Variants in CDK8 observed in about 807,000 individuals in gnomAD.
CDK8 encodes the protein cyclin-dependent kinase 8.
CDK8 carries 29 observed loss-of-function variants against 71.5 expected under a neutral mutation model. The ratio of observed to expected loss-of-function variants is 0.41; its 90% CI spans 0.30 to 0.55. The LOEUF (loss-of-function observed/expected upper bound fraction) is 0.55, where lower values mean the gene tolerates loss of function less well. Among genes scored for constraint, CDK8 ranks in the 20% least tolerant of loss-of-function variants. The probability of loss-of-function intolerance (pLI) is 0.37; values close to 1 mark genes in which losing one functional copy is unlikely to be tolerated. For missense variants in CDK8, 288 were observed against 572.6 expected (o/e 0.50, Z 5.07); for synonymous variants, 161 against 192.1 (o/e 0.84, Z 1.34).
chr13:26,378,640 A>G (rs892958981), intron 4 of CDK8, among the ~76,000 whole-genome samples: 7 of 152,192 alleles, frequency 4.6e-5, no homozygotes, highest in South Asian at 2.1e-4. Flanking sequence ...TCTGATCTCC[A>G]TGGCAACAAA....
At chr13:26,306,819 G>T (rs895387843) in intron 1 of CDK8, among the ~76,000 whole-genome samples, 1 of 152,012 alleles carries the variant, frequency 6.6e-6, no homozygotes, top group Non-Finnish European at 1.5e-5. Context: ...AGTAGAGACA[G>T]GGTTTCACCA....
intron 1 of CDK8, among the ~76,000 whole-genome samples, chr13:26,304,161 AG>A (rs111333996): frequency 0.096 from 14,623 of 151,844 alleles, 784 homozygotes; most frequent in South Asian, 0.15. Flanking sequence ...GCTACTCGGG[AG>A]GCTGAGGCAG....
At chr13:26,382,600 G>A (rs1875279664) in intron 4 of CDK8, among the ~76,000 whole-genome samples, 1 of 152,174 alleles carries the variant, frequency 6.6e-6, no homozygotes, top group African/African-American at 2.4e-5. Flanking sequence ...AGCCTTCTGT[G>A]GAGAAAAGCA....
chr13:26,393,523 C>G lies in CDK8; in HGVS notation c.790+13C>G, dbSNP rs746177103. The G allele has an allele frequency of 1.9e-6, 3 of 1,610,994 alleles. No homozygotes were observed. The highest frequency in any genetic ancestry group is 1.7e-4 in the Middle Eastern group (1 of 6,046). On this transcript the variant is annotated intron_variant, in intron 7 of 12. Transcript: ENST00000381527. The stretch of plus-strand genomic sequence containing the variant: ...GGATTTCCTGCAGGTACACATTATT[C>G]GTTTTTGTTTTTGTTTTTAAATCAC...
intron 4 of CDK8, among the ~76,000 whole-genome samples, chr13:26,362,332 A>G (rs1874188257): frequency 6.6e-6 from 1 of 152,122 alleles, no homozygotes; most frequent in African/African-American, 2.4e-5. Context: ...GAGGCTGAGA[A>G]GTCCCATGAT....
chr13:26,326,432 C>T (rs1875021307), intron 1 of CDK8, among the ~76,000 whole-genome samples: 2 of 152,046 alleles, frequency 1.3e-5, no homozygotes, highest in Admixed American at 1.3e-4. Flanking sequence ...AAATTTAAAC[C>T]AAAGGAAAGA....
chr13:26,327,963 CTTT>C (rs35077180), intron 1 of CDK8, among the ~76,000 whole-genome samples: 213 of 143,764 alleles, frequency 1.5e-3, no homozygotes, highest in African/African-American at 5.1e-3. Context: ...TAAGAGCTGT[CTTT>C]TTTTTTTTTT....
chr13:26,341,004 T>G (rs1873217173), intron 2 of CDK8, among the ~76,000 whole-genome samples: 1 of 152,252 alleles, frequency 6.6e-6, no homozygotes, highest in Admixed American at 6.5e-5. Context: ...TAGACATTTT[T>G]CAAACTGCAC....
chr13:26,341,940 GAGA>G (rs1873257574), intron 2 of CDK8, among the ~76,000 whole-genome samples: 1 of 144,832 alleles, frequency 6.9e-6, no homozygotes, highest in Non-Finnish European at 1.5e-5. Flanking sequence ...TTTTTTTTTT[GAGA>G]CGAAGTCTCG....
chr13:26,278,600 A>T (rs1315605173), intron 1 of CDK8, among the ~76,000 whole-genome samples: 1 of 152,196 alleles, frequency 6.6e-6, no homozygotes, highest in African/African-American at 2.4e-5. Context: ...GAACTGTCTT[A>T]CATTGTTTGT....
At chr13:26,387,947 T>C (rs1021191192) in intron 6 of CDK8, among the ~76,000 whole-genome samples, 6 of 152,252 alleles carry the variant, frequency 3.9e-5, no homozygotes, top group Non-Finnish European at 7.3e-5. Flanking sequence ...TTCACCGTTG[T>C]AAACCAGTGC....
intron 1 of CDK8, among the ~76,000 whole-genome samples, chr13:26,270,460 G>A (rs1872260461): frequency 6.6e-6 from 1 of 151,418 alleles, no homozygotes; most frequent in Admixed American, 6.6e-5. Context: ...ACAGGGTTGT[G>A]CAGCTATTAC....
At chr13:26,356,835 A>G (rs964791995) in intron 4 of CDK8, among the ~76,000 whole-genome samples, 18 of 152,208 alleles carry the variant, frequency 1.2e-4, no homozygotes, top group Admixed American at 6.5e-5. Context: ...AACAAAAATT[A>G]ATAGTTCATT....
chr13:26,280,467 A>G (rs1200005013), intron 1 of CDK8, among the ~76,000 whole-genome samples: 3 of 152,248 alleles, frequency 2.0e-5, no homozygotes, highest in East Asian at 3.8e-4. Context: ...TAGTGACTCA[A>G]CATTGGAACT....
chr13:26,402,334 T>A (rs1876302121), intron 12 of CDK8, among the ~76,000 whole-genome samples: 1 of 152,180 alleles, frequency 6.6e-6, no homozygotes, highest in South Asian at 2.1e-4. Context: ...GTCAGTTACG[T>A]TGTGGAAAGA....
intron 1 of CDK8, among the ~76,000 whole-genome samples, chr13:26,268,210 A>G (rs1445657294): frequency 6.6e-6 from 1 of 151,490 alleles, no homozygotes; most frequent in East Asian, 1.9e-4. Flanking sequence ...TTGTAAAGTC[A>G]GAATTGTTGA....
chr13:26,291,788 C>G (rs1289981043), intron 1 of CDK8, among the ~76,000 whole-genome samples: 1 of 152,196 alleles, frequency 6.6e-6, no homozygotes, highest in Non-Finnish European at 1.5e-5. Flanking sequence ...CTTTCCCCAT[C>G]TTCATAGGAA....
chr13:26,274,650 C>T (rs1872492218), intron 1 of CDK8, among the ~76,000 whole-genome samples: 1 of 152,066 alleles, frequency 6.6e-6, no homozygotes, highest in Non-Finnish European at 1.5e-5. Context: ...CCAGGATGGT[C>T]TCATTCTCCT....
At chr13:26,395,979 G>C (rs918543608) in intron 7 of CDK8, among the ~76,000 whole-genome samples, 11 of 152,104 alleles carry the variant, frequency 7.2e-5, no homozygotes, top group Non-Finnish European at 1.6e-4. Context: ...CATTTAATAA[G>C]ATAAATAGAA....
Sources: gnomAD v4.1 joint callset for allele counts (sites outside exome capture counted in the v4.1 genomes callset) on GRCh38, gnomAD v4.1.1 for gene constraint, MANE v1.5 for transcripts, NCBI Gene and HGNC (gene_info 2026-07-23, HGNC 2026-07-21) for gene names.